The following SPOUT1 variants were observed in gnomAD, a reference collection of about 807,000 sequenced individuals.
SPOUT1 encodes 28S rRNA (uridine-N(3))-methyltransferase.
In SPOUT1, 40 loss-of-function variants were observed where a neutral mutation model predicts 54.8. That is an observed-to-expected ratio of 0.73 (90% CI 0.57 to 0.95). The LOEUF (loss-of-function observed/expected upper bound fraction) is 0.95. SPOUT1 is among the 40% of genes least tolerant of loss of function. The pLI is 0.00. For synonymous variants in SPOUT1, 193 were observed against 200.3 expected, an observed-to-expected ratio of 0.96 and a Z score of 0.31; for missense variants, 437 against 499.5, an observed-to-expected ratio of 0.87 and a Z score of 1.19.
rs1225046610 is a variant in SPOUT1, at chr9:128,822,702, A to G, written c.*63T>C. On this transcript the variant is annotated 3_prime_UTR_variant, in exon 12 of 12. Transcript: ENST00000361256. ...GACAAGTCTGGTGGCGTCCGTCCCAAGTGACCTGCAGAGCCCCTGGTTTCA... is the reference window on the plus strand; with the variant it reads ...GACAAGTCTGGTGGCGTCCGTCCCAGGTGACCTGCAGAGCCCCTGGTTTCA... The G allele has an allele frequency of 6.4e-7, 1 of 1,554,302 alleles. No individual in the cohort carries two copies.
Position 128,822,618 on chromosome 9 carries a change from G to C in SPOUT1, c.*147C>G. ...ACGGCGGGCAGTAAGTGAGGGTGGA[G>C]CCCAGTGAGACTGTGGGTGTGTGCA... On this transcript the variant is annotated 3_prime_UTR_variant, in exon 12 of 12. Coordinates refer to ENST00000361256, the MANE Select transcript of SPOUT1 (RefSeq NM_016390.4). 1 of 1,565,540 alleles carries C rather than the reference G, an allele frequency of 6.4e-7. No homozygotes were observed. The highest frequency in any genetic ancestry group is 1.3e-5 in the African/African-American group (1 of 74,270).
At chr9:128,824,286 GT>G in intron 9 of SPOUT1, 112 bp from the exon 10 acceptor site, 1 of 610,878 alleles carries the variant, frequency 1.6e-6, no homozygotes. Context: ...TGTGGTGTGT[GT>G]GTGTGTGTGT....
Position 128,822,058 on chromosome 9 carries a change from C to G in SPOUT1, c.*707G>C. ...CTCCCCTCAGACGAATGTGAATATTCAGAAGGCTCGATTCTCCTAGCAGCG... is the reference window on the plus strand; with the variant it reads ...CTCCCCTCAGACGAATGTGAATATTGAGAAGGCTCGATTCTCCTAGCAGCG... On this transcript the variant is annotated 3_prime_UTR_variant, in exon 12 of 12. Transcript: ENST00000361256. The G allele has an allele frequency of 2.0e-6, 1 of 511,334 alleles. No individual in the cohort carries two copies. The highest frequency in any genetic ancestry group is 3.5e-6 in the Non-Finnish European group (1 of 282,078). 31.7% of individuals were successfully genotyped at this position (511,334 alleles called of 1,614,324 possible). A position where few individuals can be genotyped will look rare whatever the true frequency, so the allele number is the denominator to read the frequency against.
chr9:128,823,093 G>A (rs970147118), intron 11 of SPOUT1, among the ~76,000 whole-genome samples: 8 of 152,198 alleles, frequency 5.3e-5, no homozygotes, highest in African/African-American at 1.9e-4. Flanking sequence ...GGCCAGGGGA[G>A]GGCAAGAAGA....
intron 7 of SPOUT1, 40 bp from the exon 8 acceptor site, chr9:128,825,089 A>G: frequency 6.9e-7 from 1 of 1,459,700 alleles, no homozygotes; most frequent in Non-Finnish European, 9.4e-7. Flanking sequence ...ATTCCTCTCA[A>G]GATCAGCAGG....
rs907618776 is a variant in SPOUT1, at chr9:128,823,889, G to C, written c.920C>G (p.Ala307Gly). The C allele has an allele frequency of 1.2e-6, 2 of 1,613,050 alleles. No homozygotes were observed. The highest frequency in any genetic ancestry group is 1.7e-5 in the Admixed American group (1 of 59,958). Residue 307 changes from alanine (A) to glycine (G), a missense_variant, in exon 11 of 12, where the codon GCT becomes GGT. Ala to Gly is a moderately conservative substitution (Grantham distance 60). Transcript: ENST00000361256. ...ASAQLPNFRH[A>G]LVVFGGLQGL... ...CTGGAGGCCCCCGAACACCACAAGA[G>C]CATGCCTGGCCCATGTAAGAGGGGG...
rs1345622848 is a variant in SPOUT1, at chr9:128,826,969, C to T, written c.368+63G>A. 1.8e-5 allele frequency: 28 copies of T among 1,532,900 alleles called. No individual in the cohort carries two copies. Among genetic ancestry groups the T allele is most frequent in the Admixed American group, 5.1e-5 (3 of 58,340 alleles). 95.0% of individuals were successfully genotyped at this position (1,532,900 alleles called of 1,614,324 possible). On this transcript the variant is annotated intron_variant, in intron 4 of 11. Transcript: ENST00000361256. The surrounding 1 kb of genome is among the most constrained non-coding windows in gnomAD (Gnocchi z 5.5). Reference sequence around the variant, plus strand: ...TGTGGACGGGGCCATGGTGAAGCCTCGGCCCATCCCGGCAGCCCCTCCCTC... The same window carrying T: ...TGTGGACGGGGCCATGGTGAAGCCTTGGCCCATCCCGGCAGCCCCTCCCTC...
intron 10 of SPOUT1, 30 bp downstream of exon 10, chr9:128,824,042 G>A (rs375205868): frequency 6.3e-7 from 1 of 1,594,166 alleles, no homozygotes; most frequent in South Asian, 1.1e-5. Flanking sequence ...CATTCCTCCT[G>A]CCCTGGCCGC....
intron 3 of SPOUT1, among the ~76,000 whole-genome samples, chr9:128,827,432 G>A (rs941469760): frequency 3.3e-5 from 5 of 152,212 alleles, no homozygotes; most frequent in African/African-American, 1.2e-4. Flanking sequence ...AATGGCCTAA[G>A]TTCACATCCT....
At chr9:128,829,215 G>A in intron 1 of SPOUT1, 60 bp from the exon 2 acceptor site, 5 of 1,427,646 alleles carry the variant, frequency 3.5e-6, no homozygotes, top group South Asian at 3.4e-5. Context: ...CCTGGAGGGG[G>A]TCCGTTTGCT....
Position 128,821,109 on chromosome 9 carries a change from G to A in SPOUT1, c.*1656C>T. The A allele has an allele frequency of 1.9e-6, 1 of 526,930 alleles. No homozygotes were observed. The highest frequency in any genetic ancestry group is 2.2e-5 in the South Asian group (1 of 45,188). The allele number at this position is 526,930 out of a possible 1,614,324, so 32.6% of individuals were successfully genotyped here. On this transcript the variant is annotated 3_prime_UTR_variant, in exon 12 of 12. Transcript: ENST00000361256. ...GAATCTGCCCCCGCTTCTCCCTGCT[G>A]TCACCTCTTGGCATGCCCACCCAAT...
At chr9:128,829,269 G>C in intron 1 of SPOUT1, 114 bp from the exon 2 acceptor site, 1 of 925,098 alleles carries the variant, frequency 1.1e-6, no homozygotes, top group East Asian at 2.4e-5. Flanking sequence ...AGGAAGCCAA[G>C]GAACCTCTGC....
rs1589597181 is a variant in SPOUT1, at chr9:128,828,733, A to C, written c.208+2T>G. ...GTGGCCCTCCCCAAGACCCCAGCTC[A>C]CCGCGGTCCTCCTTCTCTGCCGCTG... On this transcript the variant is annotated splice_donor_variant, in intron 3 of 11. Transcript: ENST00000361256. LOFTEE classifies it high-confidence loss of function. 6.2e-7 allele frequency: 1 copy of C among 1,613,068 alleles called. No homozygotes were observed. Among genetic ancestry groups the C allele is most frequent in the Non-Finnish European group, 8.5e-7 (1 of 1,179,914 alleles).
Position 128,826,677 on chromosome 9 carries a change from A to G in SPOUT1, c.369-48T>C. The G allele has an allele frequency of 2.9e-6, 4 of 1,358,194 alleles. No homozygotes were observed. Among genetic ancestry groups the G allele is most frequent in the Non-Finnish European group, 4.0e-6 (4 of 988,426 alleles). 84.1% of individuals were successfully genotyped at this position (1,358,194 alleles called of 1,614,324 possible). On this transcript the variant is annotated intron_variant, in intron 4 of 11. Transcript: ENST00000361256. This position sits in a 1 kb window ranked among gnomAD's most constrained non-coding sequence, Gnocchi z 5.5. ...TCAGGATCCAGCTGTGGCCCCTTCA[A>G]GAGCTCCTGTCTACAAGTGCACGCG... is the stretch of plus-strand genomic sequence containing the variant.
Position 128,822,315 on chromosome 9 carries a change from G to C in SPOUT1, c.*450C>G. The C allele has an allele frequency of 6.2e-7, 1 of 1,610,250 alleles. No homozygotes were observed. Among genetic ancestry groups the C allele is most frequent in the Non-Finnish European group, 8.5e-7 (1 of 1,177,742 alleles). ...CAGGCCCCCTGCCCACGTGTGCCTGGGTCTGCCCACAGGACAGAGGCTGAT... is the reference window on the plus strand; with the variant it reads ...CAGGCCCCCTGCCCACGTGTGCCTGCGTCTGCCCACAGGACAGAGGCTGAT... On this transcript the variant is annotated 3_prime_UTR_variant, in exon 12 of 12. Transcript: ENST00000361256.
chr9:128,825,279 T>C (rs1284450062), intron 7 of SPOUT1, among the ~76,000 whole-genome samples: 3 of 152,324 alleles, frequency 2.0e-5, no homozygotes, highest in East Asian at 3.9e-4. Context: ...TGGCACAGGA[T>C]AGAAGTAGAT....
Position 128,826,255 on chromosome 9 carries a change from G to T in SPOUT1, c.509-103C>A. 6.5e-7 allele frequency: 1 copy of T among 1,542,366 alleles called. No homozygotes were observed. The highest frequency in any genetic ancestry group is 8.9e-7 in the Non-Finnish European group (1 of 1,122,310). ...CGGCTCTGCCACAGACCTGCGTCTT[G>T]GCATCAGACACAGGTCTTGCTCTCC... On this transcript the variant is annotated intron_variant, in intron 6 of 11. Transcript: ENST00000361256. This position sits in a 1 kb window ranked among gnomAD's most constrained non-coding sequence, Gnocchi z 5.5.
chr9:128,823,935 G>A (rs1830182179), intron 10 of SPOUT1, 41 bp from the exon 11 acceptor site: 2 of 1,607,906 alleles, frequency 1.2e-6, no homozygotes, highest in Admixed American at 1.7e-5. Context: ...GGCCACCGAG[G>A]CCCCACCCAG....
chr9:128,828,874 CATCCT>C lies in SPOUT1; in HGVS notation c.83-19_83-15del. 6.2e-7 allele frequency: 1 copy of C among 1,613,962 alleles called. No homozygotes were observed. The highest frequency in any genetic ancestry group is 8.5e-7 in the Non-Finnish European group (1 of 1,179,942). ...TCTCCTCTTTCTCTGGATAAAAGAA[CATCCT>C]AATTGGCCAAGGAGACAGTTCCCAC... On this transcript the variant is annotated splice_polypyrimidine_tract_variant and intron_variant, in intron 2 of 11. Coordinates refer to ENST00000361256, the MANE Select transcript of SPOUT1 (RefSeq NM_016390.4).
Sources: allele counts gnomAD v4.1 joint callset (sites outside exome capture counted in the v4.1 genomes callset), GRCh38; gene constraint gnomAD v4.1.1; non-coding constraint Gnocchi (gnomAD v3.1); transcripts MANE v1.5; gene names NCBI Gene and HGNC (gene_info 2026-07-23, HGNC 2026-07-21).